The following PTGER4 variants were observed in gnomAD, a reference collection of about 807,000 sequenced individuals.
The protein encoded by PTGER4 is prostaglandin E receptor 4.
PTGER4 carries 11 observed loss-of-function variants against 33.2 expected under a neutral mutation model. The observed-to-expected ratio is 0.33, with a 90% CI of 0.21 to 0.55. The LOEUF is 0.55. Ranked by LOEUF, PTGER4 falls within the 20% of genes least tolerant of loss-of-function variation. PTGER4 has a pLI of 0.92. For missense variants in PTGER4, 481 were observed against 650.2 expected (o/e 0.74, Z 2.83); for synonymous variants, 275 against 281.5 (o/e 0.98, Z 0.23).
At chr5:40,695,395 TAGAC>T (rs1029363206), downstream of PTGER4, among the ~76,000 whole-genome samples, 14 of 150,876 alleles carry the variant, frequency 9.3e-5, no homozygotes, top group African/African-American at 2.7e-4. Context: ...ATATAAAAAT[TAGAC>T]AGGCATGGTG....
the PTGER4 span, among the ~76,000 whole-genome samples, chr5:40,705,536 A>C: frequency 2.6e-5 from 4 of 152,202 alleles, no homozygotes; most frequent in South Asian, 8.3e-4. Flanking sequence ...GAGTAAATAG[A>C]CAACCTAAAG....
the PTGER4 span, among the ~76,000 whole-genome samples, chr5:40,726,429 AT>A: frequency 2.0e-5 from 3 of 151,652 alleles, no homozygotes; most frequent in East Asian, 5.8e-4. Context: ...TATATTTTAC[AT>A]AGTGTCCCTT....
At chr5:40,713,015 CTTA>C in the PTGER4 span, among the ~76,000 whole-genome samples, 4 of 151,894 alleles carry the variant, frequency 2.6e-5, no homozygotes, top group Non-Finnish European at 4.4e-5. Context: ...ATTTCAATAT[CTTA>C]TTATTGGTAA....
the PTGER4 span, among the ~76,000 whole-genome samples, chr5:40,720,145 C>T: frequency 6.6e-6 from 1 of 152,130 alleles, no homozygotes; most frequent in Non-Finnish European, 1.5e-5. Flanking sequence ...AAGATTTACA[C>T]CTATGTTCTC....
the PTGER4 span, among the ~76,000 whole-genome samples, chr5:40,734,531 C>CTA: frequency 6.6e-6 from 1 of 152,132 alleles, no homozygotes; most frequent in Admixed American, 6.5e-5. Context: ...AGATAATGCC[C>CTA]TATACTGAGG....
the PTGER4 span, among the ~76,000 whole-genome samples, chr5:40,707,997 C>T: frequency 7.8e-3 from 1,182 of 152,212 alleles, 11 homozygotes; most frequent in African/African-American, 0.026. Context: ...AACAAAGACA[C>T]AACATACCAG....
chr5:40,741,284 G>C, the PTGER4 span, among the ~76,000 whole-genome samples: 4 of 152,056 alleles, frequency 2.6e-5, no homozygotes, highest in African/African-American at 9.7e-5. Context: ...TTCCCTCTAG[G>C]GATAGTGTAG....
In PTGER4 at chr5:40,692,591, G is replaced by A; in HGVS notation, c.*213G>A. 7.5e-7 allele frequency: 1 copy of A among 1,332,552 alleles called. No homozygotes were observed. The allele number at this position is 1,332,552 out of a possible 1,614,324, so 82.5% of individuals were successfully genotyped here. ...AGCACGTCGGATGCTACCCCACTATGACAGAGGATTGTGGTCACAACTTGA... is the reference window on the plus strand; with the variant it reads ...AGCACGTCGGATGCTACCCCACTATAACAGAGGATTGTGGTCACAACTTGA... On this transcript the variant is annotated 3_prime_UTR_variant, in exon 3 of 3. Coordinates refer to ENST00000302472, the MANE Select transcript of PTGER4 (RefSeq NM_000958.3).
chr5:40,731,627 C>A, the PTGER4 span, among the ~76,000 whole-genome samples: 1 of 152,172 alleles, frequency 6.6e-6, no homozygotes, highest in Non-Finnish European at 1.5e-5. Flanking sequence ...TGTCATGAGA[C>A]CAGCATGGCA....
intron 2 of PTGER4, among the ~76,000 whole-genome samples, chr5:40,688,096 G>A (rs1741372990): frequency 1.3e-5 from 2 of 152,128 alleles, no homozygotes; most frequent in African/African-American, 4.8e-5. Flanking sequence ...TTCTTTGAAT[G>A]GCTATAAATT....
At position 40,681,010 on chromosome 5, in the gene PTGER4, T is replaced by C; in HGVS notation, c.17T>C (p.Val6Ala). 6.2e-7 allele frequency: 1 copy of C among 1,612,026 alleles called. No individual in the cohort carries two copies. The highest frequency in any genetic ancestry group is 8.5e-7 in the Non-Finnish European group (1 of 1,179,096). MSTPG[V>A]NSSASLSPDR... The stretch of plus-strand genomic sequence containing the variant: ...GCCACTATCATGTCCACTCCCGGGG[T>C]CAATTCGTCCGCCTCCTTGAGCCCC... The change falls in exon 2 of 3, where the codon GTC becomes GCC. Residue 6 changes from valine (V) to alanine (A), a missense_variant. Val to Ala is a moderately conservative substitution (Grantham distance 64, BLOSUM62 0). Around this residue, in one of 7 missense-constraint regions of PTGER4, gnomAD observed 26 missense variants for 21.0 expected, o/e 1.24. Coordinates refer to ENST00000302472, the MANE Select transcript of PTGER4 (RefSeq NM_000958.3). The surrounding 1 kb of genome is among the most constrained non-coding windows in gnomAD (Gnocchi z 9.8).
the PTGER4 span, among the ~76,000 whole-genome samples, chr5:40,739,064 T>C: frequency 6.6e-6 from 1 of 152,206 alleles, no homozygotes; most frequent in East Asian, 1.9e-4. Context: ...ACTGACCACA[T>C]ACATGTGGGT....
At chr5:40,730,159 A>G in the PTGER4 span, 3 of 863,108 alleles carry the variant, frequency 3.5e-6, no homozygotes, top group Non-Finnish European at 5.4e-6. Flanking sequence ...CCGTATTTGT[A>G]AAAGAAAATG....
At chr5:40,689,166 A>C (rs560852744) in intron 2 of PTGER4, among the ~76,000 whole-genome samples, 3 of 152,382 alleles carry the variant, frequency 2.0e-5, no homozygotes, top group Non-Finnish European at 2.9e-5. Context: ...TGTTCAGTTC[A>C]GTTTTGCTGC....
chr5:40,681,405 C>T lies in PTGER4; in HGVS notation c.412C>T (p.Leu138Phe). The change falls in exon 2 of 3, where the codon CTC (leucine) becomes TTC (phenylalanine). Residue 138 changes from leucine to phenylalanine, a missense_variant. By Grantham distance (22) the Leu-to-Phe change is conservative. Coordinates refer to ENST00000302472, the MANE Select transcript of PTGER4 (RefSeq NM_000958.3). The surrounding 1 kb of genome is among the most constrained non-coding windows in gnomAD (Gnocchi z 9.8). ...SHYVDKRLAG[L>F]TLFAVYASNV... is the part of the protein sequence containing the mutation. The stretch of plus-strand genomic sequence containing the variant: ...CTACGTGGACAAGCGATTGGCGGGC[C>T]TCACGCTCTTTGCAGTCTATGCGTC... 2 of 1,614,092 alleles carry T rather than the reference C, an allele frequency of 1.2e-6. No homozygotes were observed. Among genetic ancestry groups the T allele is most frequent in the African/African-American group, 2.7e-5 (2 of 75,058 alleles).
At chr5:40,712,859 C>T in the PTGER4 span, among the ~76,000 whole-genome samples, 2 of 152,110 alleles carry the variant, frequency 1.3e-5, no homozygotes, top group East Asian at 3.9e-4. Flanking sequence ...ATATATAGTG[C>T]ACATTAGGGC....
chr5:40,732,208 G>A, the PTGER4 span, among the ~76,000 whole-genome samples: 3 of 151,866 alleles, frequency 2.0e-5, no homozygotes, highest in African/African-American at 7.3e-5. Flanking sequence ...GTAGAGACAG[G>A]GTCTCACTAT....
chr5:40,738,071 T>C, the PTGER4 span, among the ~76,000 whole-genome samples: 1 of 152,166 alleles, frequency 6.6e-6, no homozygotes, highest in Non-Finnish European at 1.5e-5. Flanking sequence ...TGAATTAGTA[T>C]CTAGGAATAA....
the PTGER4 span, among the ~76,000 whole-genome samples, chr5:40,718,899 A>AAAAT: frequency 1.3e-5 from 2 of 152,122 alleles, no homozygotes; most frequent in African/African-American, 4.8e-5. Flanking sequence ...AGACTGTCTC[A>AAAAT]AAATAAATAA....
Sources: allele counts gnomAD v4.1 joint callset (sites outside exome capture counted in the v4.1 genomes callset), GRCh38; gene constraint gnomAD v4.1.1; regional missense constraint gnomAD v4.1.1; non-coding constraint Gnocchi (gnomAD v3.1); transcripts MANE v1.5; gene names NCBI Gene and HGNC (gene_info 2026-07-23, HGNC 2026-07-21).